Variants in COL5A2 observed in about 807,000 individuals in gnomAD.
COL5A2 encodes the protein collagen alpha-2(V) chain.
COL5A2 carries 23 observed loss-of-function variants against 208.2 expected under a neutral mutation model. The ratio of observed to expected loss-of-function variants is 0.11; its 90% CI spans 0.08 to 0.16. The LOEUF (loss-of-function observed/expected upper bound fraction) is 0.16. Ranked by LOEUF, COL5A2 falls within the 10% of genes least tolerant of loss-of-function variation. The probability of loss-of-function intolerance (pLI) is 1.00; values close to 1 mark genes in which losing one functional copy is unlikely to be tolerated. For synonymous variants in COL5A2, 625 were observed against 628.5 expected (o/e 0.99, Z 0.08); for missense variants, 1,590 against 1,956.4 (o/e 0.81, Z 3.53).
At chr2:189,043,295 C>T in intron 47 of COL5A2, 37 bp from the exon 48 acceptor site, 1 of 1,455,830 alleles carries the variant, frequency 6.9e-7, no homozygotes, top group Non-Finnish European at 9.6e-7. Flanking sequence ...TTACTTGCTA[C>T]ATATTATTGT....
intron 1 of COL5A2, among the ~76,000 whole-genome samples, chr2:189,132,031 T>C (rs1207719057): frequency 2.6e-5 from 4 of 152,238 alleles, no homozygotes; most frequent in Non-Finnish European, 5.9e-5. Context: ...TATTAATTCA[T>C]CCACTGAGGT....
At chr2:189,334,042 T>A in the COL5A2 span, among the ~76,000 whole-genome samples, 9 of 151,816 alleles carry the variant, frequency 5.9e-5, no homozygotes, top group African/African-American at 2.2e-4. Context: ...ATAGATTTTT[T>A]AAACTATATT....
At chr2:189,400,686 A>G in the COL5A2 span, among the ~76,000 whole-genome samples, 2 of 152,204 alleles carry the variant, frequency 1.3e-5, no homozygotes, top group Non-Finnish European at 2.9e-5. Flanking sequence ...AAAACAGCAC[A>G]CCAATAGACA....
chr2:189,254,530 G>T, the COL5A2 span, among the ~76,000 whole-genome samples: 1 of 152,236 alleles, frequency 6.6e-6, no homozygotes, highest in African/African-American at 2.4e-5. Context: ...TCTAGGAGTG[G>T]GAAAGAGGGA....
At chr2:189,439,948 G>A in the COL5A2 span, among the ~76,000 whole-genome samples, 3 of 152,144 alleles carry the variant, frequency 2.0e-5, no homozygotes, top group African/African-American at 7.2e-5. Context: ...TACATCAAGA[G>A]ACTAAACAAA....
chr2:189,035,172 T>A lies in COL5A2; in HGVS notation c.4114-17A>T. The A allele has an allele frequency of 6.2e-7, 1 of 1,613,464 alleles. No individual in the cohort carries two copies. The highest frequency in any genetic ancestry group is 8.5e-7 in the Non-Finnish European group (1 of 1,179,690). Reference sequence around the variant, plus strand: ...ATAAGCGAACTAGAAAAACAAAGAGTCTTTGTCATACACAAGACTGAAGGG... The same window carrying A: ...ATAAGCGAACTAGAAAAACAAAGAGACTTTGTCATACACAAGACTGAAGGG... On this transcript the variant is annotated splice_polypyrimidine_tract_variant and intron_variant, in intron 52 of 53. Coordinates refer to ENST00000374866, the MANE Select transcript of COL5A2 (RefSeq NM_000393.5).
the COL5A2 span, among the ~76,000 whole-genome samples, chr2:189,424,069 A>G: frequency 6.6e-6 from 1 of 152,204 alleles, no homozygotes; most frequent in African/African-American, 2.4e-5. Flanking sequence ...TAAATGTAAT[A>G]CACCACATTA....
At chr2:189,177,494 G>A (rs1688698578) in intron 1 of COL5A2, among the ~76,000 whole-genome samples, 1 of 152,126 alleles carries the variant, frequency 6.6e-6, no homozygotes, top group Non-Finnish European at 1.5e-5. Flanking sequence ...TCTCTATTAT[G>A]TTTGATTAGG....
At chr2:189,344,100 A>C in the COL5A2 span, among the ~76,000 whole-genome samples, 1 of 152,186 alleles carries the variant, frequency 6.6e-6, no homozygotes, top group Non-Finnish European at 1.5e-5. Flanking sequence ...CATACACATA[A>C]ACACATTGAA....
the COL5A2 span, among the ~76,000 whole-genome samples, chr2:189,261,958 T>C: frequency 1.3e-5 from 2 of 152,160 alleles, no homozygotes; most frequent in African/African-American, 2.4e-5. Context: ...ACCAAGAGCA[T>C]ACACATCATA....
At chr2:189,290,717 T>TACACACACACACACACACAC in the COL5A2 span, among the ~76,000 whole-genome samples, 24 of 136,616 alleles carry the variant, frequency 1.8e-4, 1 homozygote, top group African/African-American at 5.2e-4. Context: ...TTTTTGTTAA[T>TACACACACACACACACACAC]ACACACACAC....
At chr2:189,043,480 G>A (rs549000455) in intron 47 of COL5A2, among the ~76,000 whole-genome samples, 28 of 151,808 alleles carry the variant, frequency 1.8e-4, no homozygotes, top group African/African-American at 6.5e-4. Context: ...GATATAATAA[G>A]AATACTTTTC....
chr2:189,052,291 G>C (rs1265171791), intron 40 of COL5A2, 66 bp from the exon 41 acceptor site: 1 of 1,492,648 alleles, frequency 6.7e-7, no homozygotes, highest in Non-Finnish European at 9.3e-7. Flanking sequence ...TATTTTCCTG[G>C]GATTTTTTTT....
chr2:189,171,866 CA>C (rs1308012635), intron 1 of COL5A2, among the ~76,000 whole-genome samples: 1 of 152,014 alleles, frequency 6.6e-6, no homozygotes, highest in African/African-American at 2.4e-5. Flanking sequence ...GTAAGAAAAG[CA>C]AAATGCTACA....
intron 1 of COL5A2, among the ~76,000 whole-genome samples, chr2:189,134,820 T>G (rs991763606): frequency 6.6e-6 from 1 of 151,948 alleles, no homozygotes; most frequent in African/African-American, 2.4e-5. Context: ...ATCAGGAAAA[T>G]AGGGTGGACA....
chr2:189,049,483 T>C, intron 43 of COL5A2, 29 bp from the exon 44 acceptor site: 6 of 1,568,552 alleles, frequency 3.8e-6, no homozygotes, highest in Non-Finnish European at 5.3e-6. Flanking sequence ...TGTCAAACAC[T>C]TGTGAAGAAA....
the COL5A2 span, among the ~76,000 whole-genome samples, chr2:189,243,303 G>C: frequency 6.6e-6 from 1 of 152,206 alleles, no homozygotes; most frequent in Admixed American, 6.5e-5. Flanking sequence ...CTGAACTATG[G>C]AATTTGTATT....
the COL5A2 span, among the ~76,000 whole-genome samples, chr2:189,376,828 G>A: frequency 8.5e-5 from 13 of 152,054 alleles, no homozygotes; most frequent in Non-Finnish European, 1.6e-4. Context: ...TTTCCATAAG[G>A]CCAGACAAAG....
intron 1 of COL5A2, among the ~76,000 whole-genome samples, chr2:189,177,957 T>A (rs1688707410): frequency 6.6e-6 from 1 of 152,226 alleles, no homozygotes; most frequent in Admixed American, 6.5e-5. Flanking sequence ...AGGTTTTAAA[T>A]TAAAGTTGGT....
Sources: allele counts gnomAD v4.1 joint callset (sites outside exome capture counted in the v4.1 genomes callset), GRCh38; gene constraint gnomAD v4.1.1; transcripts MANE v1.5; gene names NCBI Gene and HGNC (gene_info 2026-07-23, HGNC 2026-07-21).